The following CELF2 variants were observed in gnomAD, a reference collection of about 807,000 sequenced individuals.
CELF2 encodes CUG triplet repeat RNA-binding protein 2.
In CELF2, 8 loss-of-function variants were observed where a neutral mutation model predicts 62.6. The ratio of observed to expected loss-of-function variants is 0.13; its 90% CI spans 0.07 to 0.23. The LOEUF is 0.23. Ranked by LOEUF, CELF2 falls within the 10% of genes least tolerant of loss-of-function variation. CELF2 has a pLI of 1.00. For synonymous variants in CELF2, 258 were observed against 250.0 expected, an observed-to-expected ratio of 1.03 and a Z score of -0.30; for missense variants, 333 against 671.0, an observed-to-expected ratio of 0.50 and a Z score of 5.56.
At position 11,238,812 on chromosome 10, in the gene CELF2, A is replaced by G. The variant is rs7083181; in HGVS notation, c.355-10341A>G. 9.2e-3 allele frequency among the ~76,000 whole-genome samples: 1,401 copies of G among 152,340 alleles called. 17 individuals are homozygous for G. Among genetic ancestry groups the G allele is most frequent in the African/African-American group, 0.031 (1,269 of 41,578 alleles). ...AAAGCGGCACACTCACACTTTGATC[A>G]TAGCTGTTATTTTTCATTCATGGTC... On this transcript the variant is annotated intron_variant, in intron 3 of 12. Coordinates refer to ENST00000633077, the MANE Select transcript of CELF2 (RefSeq NM_001326342.2).
chr10:10,579,558 C>T, the CELF2 span, among the ~76,000 whole-genome samples: 1 of 152,094 alleles, frequency 6.6e-6, no homozygotes, highest in Non-Finnish European at 1.5e-5. Flanking sequence ...TAGATAGATA[C>T]AGATGTATAA....
intron 2 of CELF2, among the ~76,000 whole-genome samples, chr10:10,981,646 C>T (rs1190755224): frequency 6.6e-6 from 1 of 152,188 alleles, no homozygotes; most frequent in Non-Finnish European, 1.5e-5. Context: ...TTTTCTAGGG[C>T]TCTGCTCATT....
rs1374610730 is a variant in CELF2, at chr10:10,947,245, T to C, written c.89+27246T>C. 1 of 152,412 alleles carries C rather than the reference T, an allele frequency of 6.6e-6. No homozygotes were observed. Among genetic ancestry groups the C allele is most frequent in the Non-Finnish European group, 1.5e-5 (1 of 68,054 alleles). The allele number at this position is 152,412 out of a possible 1,614,324, so 9.4% of individuals were successfully genotyped here. A position where few individuals can be genotyped will look rare whatever the true frequency, so the allele number is the denominator to read the frequency against. On this transcript the variant is annotated intron_variant, in intron 2 of 13. Coordinates refer to the CELF2 transcript ENST00000636488. This position sits in a 1 kb window ranked among gnomAD's most constrained non-coding sequence, Gnocchi z 4.1. ...CCAGTCCTTCACCTGCTGCACAAAATCATACCTTTCCATGCACAGTTGGAA... is the reference window on the plus strand; with the variant it reads ...CCAGTCCTTCACCTGCTGCACAAAACCATACCTTTCCATGCACAGTTGGAA...
chr10:10,913,456 T>C (rs1464094229), intron 1 of CELF2, among the ~76,000 whole-genome samples: 2 of 118,046 alleles, frequency 1.7e-5, no homozygotes, highest in Non-Finnish European at 3.2e-5. Flanking sequence ...AGTGGCGCAA[T>C]CTCAGCTCAC....
At chr10:10,854,883 G>A (rs530417334) in intron 1 of CELF2, among the ~76,000 whole-genome samples, 3 of 151,654 alleles carry the variant, frequency 2.0e-5, no homozygotes, top group Admixed American at 2.0e-4. Flanking sequence ...ATCCACCCAA[G>A]CGGGCAGAAA....
Position 10,938,104 on chromosome 10 carries a change from GGA to G in CELF2, c.89+18108_89+18109del. Among the ~76,000 whole-genome samples, 1 of 152,250 alleles carries G rather than the reference GGA, an allele frequency of 6.6e-6. No individual in the cohort carries two copies. The highest frequency in any genetic ancestry group is 1.9e-4 in the East Asian group (1 of 5,180). ...TGGAATAACTCAAGAGAGATAGAGG[GGA>G]GATGGGTAATACTGAATATGCAGAA... is the stretch of plus-strand genomic sequence containing the variant. On this transcript the variant is annotated intron_variant, in intron 2 of 13. Transcript: ENST00000636488. The surrounding 1 kb of genome is among the most constrained non-coding windows in gnomAD (Gnocchi z 4.2).
At chr10:11,103,486 G>GTTTTTTTTTTTTTTTTTTTT in intron 1 of CELF2, among the ~76,000 whole-genome samples, 1 of 66,826 alleles carries the variant, frequency 1.5e-5, no homozygotes, top group African/African-American at 1.1e-4. Context: ...TTTGTAGCCT[G>GTTTTTTTTTTTTTTTTTTTT]ATTTTTTTTT....
At chr10:10,866,643 A>G (rs2060389523) in intron 1 of CELF2, among the ~76,000 whole-genome samples, 1 of 147,964 alleles carries the variant, frequency 6.8e-6, no homozygotes, top group Non-Finnish European at 1.5e-5. Flanking sequence ...TCCAACAATC[A>G]GGTTTCGTGC....
intron 7 of CELF2, among the ~76,000 whole-genome samples, chr10:11,273,978 C>A (rs574687093): frequency 6.8e-6 from 1 of 146,296 alleles, no homozygotes; most frequent in African/African-American, 2.6e-5. Context: ...ACCCCCCCCC[C>A]CCACCTTGGC....
At chr10:10,536,089 G>C in the CELF2 span, among the ~76,000 whole-genome samples, 11 of 149,522 alleles carry the variant, frequency 7.4e-5, no homozygotes, top group African/African-American at 2.5e-4. Flanking sequence ...GTGCGATCTC[G>C]ACTCATTGCA....
chr10:10,549,675 A>G, the CELF2 span, among the ~76,000 whole-genome samples: 2 of 152,058 alleles, frequency 1.3e-5, no homozygotes, highest in Non-Finnish European at 2.9e-5. Context: ...GTGCTTGTCT[A>G]TGTTCTCATT....
chr10:10,663,540 C>T, the CELF2 span, among the ~76,000 whole-genome samples: 5 of 152,066 alleles, frequency 3.3e-5, no homozygotes, highest in Non-Finnish European at 7.4e-5. Flanking sequence ...GTAGCTAAAC[C>T]GAGGTGAAAA....
At chr10:10,468,827 T>C in the CELF2 span, among the ~76,000 whole-genome samples, 1 of 151,982 alleles carries the variant, frequency 6.6e-6, no homozygotes, top group Non-Finnish European at 1.5e-5. Flanking sequence ...AAAGCATCAG[T>C]GATCTCATTC....
At chr10:11,055,937 A>G (rs1293214670) in intron 1 of CELF2, among the ~76,000 whole-genome samples, 1 of 152,256 alleles carries the variant, frequency 6.6e-6, no homozygotes, top group Non-Finnish European at 1.5e-5. Flanking sequence ...ATTTGAAAAC[A>G]AAGCTTTAAA....
rs1487476488 is a variant in CELF2 at position 11,110,086 on chromosome 10, T to C, written c.75-55400T>C. On this transcript the variant is annotated intron_variant, in intron 1 of 12. Transcript: ENST00000633077. This position sits in a 1 kb window ranked among gnomAD's most constrained non-coding sequence, Gnocchi z 4.0. ...CCAGCTTGGGCAACATAGCAAGACCTCATTGCTACTAAAAATTTTTAAAAA... is the reference window on the plus strand; with the variant it reads ...CCAGCTTGGGCAACATAGCAAGACCCCATTGCTACTAAAAATTTTTAAAAA... Among the ~76,000 whole-genome samples, 1 of 152,024 alleles carries C rather than the reference T, an allele frequency of 6.6e-6. No individual in the cohort carries two copies. The highest frequency in any genetic ancestry group is 1.5e-5 in the Non-Finnish European group (1 of 67,988).
intron 1 of CELF2, among the ~76,000 whole-genome samples, chr10:11,037,703 C>A (rs1456093377): frequency 1.3e-5 from 2 of 152,152 alleles, no homozygotes; most frequent in Non-Finnish European, 2.9e-5. Flanking sequence ...TTATTAGACT[C>A]AGTATTGTAC....
chr10:10,901,191 A>G (rs2062913285), intron 1 of CELF2, among the ~76,000 whole-genome samples: 2 of 152,232 alleles, frequency 1.3e-5, no homozygotes, highest in Non-Finnish European at 2.9e-5. Flanking sequence ...ATTCATGTGG[A>G]CACAGGACCT....
At chr10:11,175,173 A>C (rs1297644879) in intron 2 of CELF2, among the ~76,000 whole-genome samples, 2 of 152,162 alleles carry the variant, frequency 1.3e-5, no homozygotes, top group African/African-American at 4.8e-5. Flanking sequence ...TAACTAGGCC[A>C]CTGTACCTGA....
At chr10:10,883,176 G>C (rs1364463576) in intron 1 of CELF2, among the ~76,000 whole-genome samples, 1 of 152,130 alleles carries the variant, frequency 6.6e-6, no homozygotes. Context: ...TACTTTTCAA[G>C]AGAAATATCT....
Sources: allele counts gnomAD v4.1 joint callset (sites outside exome capture counted in the v4.1 genomes callset), GRCh38; gene constraint gnomAD v4.1.1; non-coding constraint Gnocchi (gnomAD v3.1); transcripts MANE v1.5; gene names NCBI Gene and HGNC (gene_info 2026-07-23, HGNC 2026-07-21).